The following SLC26A3 variants were observed in gnomAD, a reference collection of about 807,000 sequenced individuals.
SLC26A3 encodes chloride anion exchanger.
A neutral mutation model predicts 85.6 loss-of-function variants in SLC26A3; 64 were observed. The observed-to-expected ratio is 0.75, with a 90% CI of 0.61 to 0.92. SLC26A3 has a LOEUF of 0.92. SLC26A3 is among the 40% of genes least tolerant of loss of function. The pLI is 0.00. For missense variants in SLC26A3, 922 were observed against 927.3 expected (o/e 0.99, Z 0.07); for synonymous variants, 349 against 336.0 (o/e 1.04, Z -0.42).
intron 18 of SLC26A3, among the ~76,000 whole-genome samples, chr7:107,771,061 G>A (rs1584401105): frequency 6.6e-6 from 1 of 152,046 alleles, no homozygotes; most frequent in East Asian, 1.9e-4. Context: ...GAAGTGAGAA[G>A]GGTCTAGATT....
chr7:107,765,990 A>G, intron 20 of SLC26A3, 112 bp from the exon 21 acceptor site: 1 of 840,540 alleles, frequency 1.2e-6, no homozygotes, highest in Non-Finnish European at 2.0e-6. Flanking sequence ...TTTTGTCTTG[A>G]ATTTTAATGA....
Position 107,782,961 on chromosome 7 carries a change from A to G in SLC26A3, c.1233+19T>C. ...TTACTAACGCTAGGACAGTGCTTGC[A>G]GCAAAGATCTTGACATACCTGTGTT... is the stretch of plus-strand genomic sequence containing the variant. On this transcript the variant is annotated intron_variant, in intron 10 of 20. Transcript: ENST00000340010. 6.2e-7 allele frequency: 1 copy of G among 1,613,548 alleles called. No homozygotes were observed. Among genetic ancestry groups the G allele is most frequent in the Non-Finnish European group, 8.5e-7 (1 of 1,179,402 alleles).
intron 18 of SLC26A3, among the ~76,000 whole-genome samples, chr7:107,771,497 G>A (rs1794030350): frequency 6.6e-6 from 1 of 152,186 alleles, no homozygotes; most frequent in Admixed American, 6.5e-5. Context: ...AAGAACCAAT[G>A]TCAGACCCTG....
chr7:107,770,387 G>C (rs1794008922), intron 18 of SLC26A3, among the ~76,000 whole-genome samples: 5 of 149,566 alleles, frequency 3.3e-5, no homozygotes, highest in Admixed American at 1.3e-4. Context: ...CTCCTGAGTA[G>C]CTGGGACTAC....
In SLC26A3 at chr7:107,791,134, T is replaced by A; in HGVS notation, c.484A>T (p.Asn162Tyr). 1 of 1,614,198 alleles carries A rather than the reference T, an allele frequency of 6.2e-7. No individual in the cohort carries two copies. The highest frequency in any genetic ancestry group is 8.5e-7 in the Non-Finnish European group (1 of 1,180,036). Residue 162 changes from asparagine (N) to tyrosine (Y), a missense_variant, in exon 5 of 21, where the codon AAC becomes TAC. Physicochemically the swap from Asn to Tyr is moderately radical, Grantham distance 143. Transcript: ENST00000340010. ...RNATTLGLPNNSNNSSLLDDE... is the reference protein window; with the variant it reads ...RNATTLGLPNYSNNSSLLDDE... The stretch of plus-strand genomic sequence containing the variant: ...TCCAGTAGTGAAGAATTATTCGAGT[T>A]GTTAGGCAATCCCAAAGTAGTTGCA...
intron 17 of SLC26A3, 122 bp downstream of exon 17, chr7:107,773,796 CCA>C: frequency 1.3e-6 from 1 of 796,808 alleles, no homozygotes; most frequent in Admixed American, 2.0e-5. Flanking sequence ...GGTGATCCAC[CCA>C]CCTCGGCCTC....
chr7:107,794,387 C>T lies in SLC26A3; in HGVS notation c.123G>A (p.Val41=), dbSNP rs779354646. The part of the protein sequence containing the change: ...HHKTFLDHLK[V]CCSCSPQKAK... ...CTTAAAAAATATCTTACCTACAACA[C>T]ACTTTGAGATGATCCAGAAATGTCT... Residue 41 remains valine (V), a synonymous_variant, in exon 2 of 21, where the codon GTG becomes GTA. Transcript: ENST00000340010. 6.2e-6 allele frequency: 10 copies of T among 1,613,908 alleles called. No homozygotes were observed. The African/African-American group carries it at 1.2e-4, about 19-fold the overall frequency.
chr7:107,793,540 A>G (rs1421325901), intron 3 of SLC26A3, among the ~76,000 whole-genome samples: 1 of 152,202 alleles, frequency 6.6e-6, no homozygotes, highest in Non-Finnish European at 1.5e-5. Context: ...TATGCAGAAG[A>G]GGCAAATCCA....
intron 20 of SLC26A3, 101 bp downstream of exon 20, chr7:107,767,478 G>C (rs1368695709): frequency 2.3e-6 from 2 of 853,058 alleles, no homozygotes; most frequent in Non-Finnish European, 3.9e-6. Context: ...GCTCAAGCAA[G>C]TGCTGGACTT....
chr7:107,776,990 G>C (rs1794127381), intron 13 of SLC26A3, among the ~76,000 whole-genome samples: 2 of 152,226 alleles, frequency 1.3e-5, no homozygotes, highest in Non-Finnish European at 1.5e-5. Context: ...GTTATTCCAT[G>C]AGGTAAGGTG....
chr7:107,769,993 CTTTT>C (rs1331939085), intron 18 of SLC26A3, among the ~76,000 whole-genome samples: 8 of 115,876 alleles, frequency 6.9e-5, no homozygotes, highest in African/African-American at 9.3e-5. Context: ...TCCTTCCTTC[CTTTT>C]TTCTCTTTCT....
At chr7:107,775,554 G>A (rs187887181) in intron 15 of SLC26A3, among the ~76,000 whole-genome samples, 1 of 151,894 alleles carries the variant, frequency 6.6e-6, no homozygotes, top group East Asian at 1.9e-4. Context: ...GCAAGCCCTC[G>A]TCTCTACAAA....
chr7:107,770,094 C>T (rs928792740), intron 18 of SLC26A3, among the ~76,000 whole-genome samples: 2 of 110,156 alleles, frequency 1.8e-5, no homozygotes, highest in Non-Finnish European at 4.0e-5. Context: ...TTCTTTCTTT[C>T]TTATTTCGTC....
chr7:107,797,904 G>A (rs964555347), intron 1 of SLC26A3, among the ~76,000 whole-genome samples: 4 of 151,862 alleles, frequency 2.6e-5, no homozygotes, highest in African/African-American at 9.7e-5. Flanking sequence ...CTTTTTTCTG[G>A]TTCCTGGAAT....
rs1584398115 is a variant in SLC26A3 at position 107,765,884 on chromosome 7, A to G, written c.2272-6T>C. 1 of 1,609,538 alleles carries G rather than the reference A, an allele frequency of 6.2e-7. No homozygotes were observed. Among genetic ancestry groups the G allele is most frequent in the East Asian group, 2.2e-5 (1 of 44,788 alleles). On this transcript the variant is annotated splice_polypyrimidine_tract_variant and splice_region_variant and intron_variant, in intron 20 of 20. Transcript: ENST00000340010. The stretch of plus-strand genomic sequence containing the variant: ...AATTTTGTTTCAACTGGCACCTGGA[A>G]GAAGACAGAAAGTTCTTGTTTTAAA...
chr7:107,802,742 C>CTTTTT lies in SLC26A3; in HGVS notation c.-89+364_-89+368dup, dbSNP rs35087147. ...GGAGAAACTCTTTCCTTAAAGCTTG[C>CTTTTT]TTTTTTTTTTTTTTTTTTTGCCAAC... On this transcript the variant is annotated intron_variant, in intron 1 of 20. Coordinates refer to ENST00000340010, the MANE Select transcript of SLC26A3 (RefSeq NM_000111.3). Among the ~76,000 whole-genome samples, 139 of 110,750 alleles carry CTTTTT rather than the reference C, an allele frequency of 1.3e-3. 1 individual carries two copies. Among genetic ancestry groups the CTTTTT allele is most frequent in the African/African-American group, 2.2e-3 (63 of 28,366 alleles). The allele number at this position is 110,750 out of a possible 152,430, so 72.7% of individuals were successfully genotyped here.
chr7:107,796,945 C>A lies in SLC26A3; in HGVS notation c.-88-2348G>T, dbSNP rs941594476. On this transcript the variant is annotated intron_variant, in intron 1 of 20. Coordinates refer to ENST00000340010, the MANE Select transcript of SLC26A3 (RefSeq NM_000111.3). The stretch of plus-strand genomic sequence containing the variant: ...TTCCCCAAAAAAGATCTTGAAGGTA[C>A]TTTTATTCTTCTGGCTGTTGTATTT... 1.5e-3 allele frequency among the ~76,000 whole-genome samples: 221 copies of A among 152,158 alleles called. 1 individual carries two copies. Among genetic ancestry groups the A allele is most frequent in the Non-Finnish European group, 4.9e-4 (33 of 67,996 alleles).
chr7:107,791,124 T>G lies in SLC26A3; in HGVS notation c.494A>C (p.Asn165Thr). ...TTLGLPNNSN[N>T]SSLLDDERVR... ...CCTCTCGTCATCCAGTAGTGAAGAA[T>G]TATTCGAGTTGTTAGGCAATCCCAA... The change falls in exon 5 of 21, where the codon AAT becomes ACT. Residue 165 changes from asparagine to threonine, a missense_variant. Transcript: ENST00000340010. 1 of 1,614,204 alleles carries G rather than the reference T, an allele frequency of 6.2e-7. No individual in the cohort carries two copies. The highest frequency in any genetic ancestry group is 8.5e-7 in the Non-Finnish European group (1 of 1,180,030).
chr7:107,780,655 C>T (rs1314824821), intron 11 of SLC26A3, among the ~76,000 whole-genome samples: 1 of 152,096 alleles, frequency 6.6e-6, no homozygotes, highest in African/African-American at 2.4e-5. Flanking sequence ...ATCTTGAGGA[C>T]AGTTGAACTG....
Sources: allele counts gnomAD v4.1 joint callset (sites outside exome capture counted in the v4.1 genomes callset), GRCh38; gene constraint gnomAD v4.1.1; transcripts MANE v1.5; gene names NCBI Gene and HGNC (gene_info 2026-07-23, HGNC 2026-07-21).